LIPA: variants seen among roughly 807,000 people sequenced by gnomAD.
The protein encoded by LIPA is lipase A, lysosomal acid type, also known as lysosomal acid lipase/cholesteryl ester hydrolase.
Under a neutral mutation model 40.6 loss-of-function variants are expected in LIPA, and 26 were observed. The observed-to-expected ratio is 0.64, with a 90% CI of 0.47 to 0.89. LIPA has a LOEUF of 0.89. LIPA is among the 40% of genes least tolerant of loss of function. The pLI, the probability that LIPA is intolerant of heterozygous loss-of-function variation, is 0.00. For synonymous variants in LIPA, 188 were observed against 168.4 expected (o/e 1.12, Z -0.90); for missense variants, 455 against 479.6 (o/e 0.95, Z 0.48).
chr10:89,410,521 C>T (rs1207707725), intron 2 of LIPA, among the ~76,000 whole-genome samples: 3 of 152,242 alleles, frequency 2.0e-5, no homozygotes, highest in Non-Finnish European at 2.9e-5. Context: ...ACAGATTATG[C>T]CATATTTAGC....
At chr10:89,216,449 G>GAT (rs1441100216) in intron 8 of LIPA, among the ~76,000 whole-genome samples, 1 of 148,278 alleles carries the variant, frequency 6.7e-6, no homozygotes, top group East Asian at 2.0e-4. Context: ...GAGAGAGATG[G>GAT]ATATATATAG....
At chr10:89,335,475 C>A (rs1462598331) in intron 1 of LIPA, 2 of 150,180 alleles carry the variant, frequency 1.3e-5, no homozygotes, top group Non-Finnish European at 2.9e-5. Flanking sequence ...GAATCTTGAG[C>A]TATAAGTGCT....
At chr10:89,244,318 G>C (rs1842997950) in intron 3 of LIPA, among the ~76,000 whole-genome samples, 1 of 152,044 alleles carries the variant, frequency 6.6e-6, no homozygotes, top group Non-Finnish European at 1.5e-5. Context: ...TAACACAAAG[G>C]GTGTTTAAGT....
intron 8 of LIPA, 41 bp downstream of exon 8, chr10:89,222,470 T>G (rs1343966297): frequency 1.6e-6 from 2 of 1,267,612 alleles, no homozygotes; most frequent in African/African-American, 2.9e-5. Flanking sequence ...TTTCTGATGT[T>G]GATTTTACAT....
chr10:89,250,254 CA>C (rs1843100255), intron 1 of LIPA, among the ~76,000 whole-genome samples: 1 of 151,914 alleles, frequency 6.6e-6, no homozygotes, highest in South Asian at 2.1e-4. Flanking sequence ...CGCCCACCAC[CA>C]CGCCTGGCTA....
intron 2 of LIPA, among the ~76,000 whole-genome samples, chr10:89,367,870 C>G (rs1437493460): frequency 6.6e-6 from 1 of 152,170 alleles, no homozygotes; most frequent in Non-Finnish European, 1.5e-5. Flanking sequence ...CAAAGCTGGA[C>G]TGCAGTAGCA....
At chr10:89,221,603 T>C (rs926974881) in intron 8 of LIPA, among the ~76,000 whole-genome samples, 2 of 152,188 alleles carry the variant, frequency 1.3e-5, no homozygotes, top group Non-Finnish European at 2.9e-5. Context: ...CTACAGTGTC[T>C]TGGTTTAGGG....
chr10:89,261,756 A>C (rs1262125255), intron 1 of LIPA, among the ~76,000 whole-genome samples: 1 of 152,170 alleles, frequency 6.6e-6, no homozygotes, highest in Non-Finnish European at 1.5e-5. Context: ...TTCCTTGTTC[A>C]GACCTGTGCA....
At chr10:89,267,435 C>G (rs1320589495) in intron 1 of LIPA, among the ~76,000 whole-genome samples, 1 of 151,886 alleles carries the variant, frequency 6.6e-6, no homozygotes, top group East Asian at 1.9e-4. Context: ...AGGGAGAGAA[C>G]CAAAGAAATT....
chr10:89,237,371 C>G (rs1019964803), intron 3 of LIPA, among the ~76,000 whole-genome samples: 1 of 151,944 alleles, frequency 6.6e-6, no homozygotes, highest in Non-Finnish European at 1.5e-5. Flanking sequence ...TCCTGCCAAC[C>G]AAGAGGCTGC....
chr10:89,382,666 C>T (rs759612247), intron 2 of LIPA, among the ~76,000 whole-genome samples: 1 of 152,240 alleles, frequency 6.6e-6, no homozygotes, highest in Non-Finnish European at 1.5e-5. Flanking sequence ...CATGCCTCTT[C>T]TTCTGTCCCC....
intron 1 of LIPA, among the ~76,000 whole-genome samples, chr10:89,304,999 A>C (rs1168197453): frequency 2.5e-4 from 38 of 152,134 alleles, no homozygotes. Context: ...AATTTCAAAA[A>C]AAAAATTAAA....
intron 1 of LIPA, among the ~76,000 whole-genome samples, chr10:89,329,655 G>A (rs1330548994): frequency 6.6e-6 from 1 of 152,146 alleles, no homozygotes; most frequent in Admixed American, 6.5e-5. Flanking sequence ...CATCCACTGA[G>A]GAACTCTGTT....
chr10:89,313,691 A>T (rs1489283786), intron 1 of LIPA, among the ~76,000 whole-genome samples: 1 of 152,278 alleles, frequency 6.6e-6, no homozygotes, highest in East Asian at 1.9e-4. Flanking sequence ...ATAATGGAAT[A>T]TTATTTGGAA....
At chr10:89,346,289 T>G (rs964821539), upstream of LIPA, among the ~76,000 whole-genome samples, 1 of 152,206 alleles carries the variant, frequency 6.6e-6, no homozygotes, top group Non-Finnish European at 1.5e-5. Flanking sequence ...CATAGAATAA[T>G]CTTTAAGACA....
At chr10:89,306,772 G>A in intron 1 of LIPA, 1 of 1,614,102 alleles carries the variant, frequency 6.2e-7, no homozygotes, top group Non-Finnish European at 8.5e-7. Context: ...TGCTTAAAAA[G>A]GCTTTAGAAT....
chr10:89,370,986 C>G (rs1844088454), intron 2 of LIPA, among the ~76,000 whole-genome samples: 1 of 152,204 alleles, frequency 6.6e-6, no homozygotes. Context: ...CCACTGCACT[C>G]CAGCCTGGGT....
intron 2 of LIPA, among the ~76,000 whole-genome samples, chr10:89,367,226 T>C (rs547290351): frequency 2.6e-5 from 4 of 152,120 alleles, no homozygotes; most frequent in African/African-American, 9.6e-5. Flanking sequence ...CTAATGTAAA[T>C]GACAAGTTAA....
At chr10:89,409,569 G>C (rs1040772466) in intron 2 of LIPA, among the ~76,000 whole-genome samples, 2 of 152,294 alleles carry the variant, frequency 1.3e-5, no homozygotes, top group Non-Finnish European at 1.5e-5. Context: ...GGGTGCCTGG[G>C]GCAAGCACCA....
Sources: allele counts gnomAD v4.1 joint callset (sites outside exome capture counted in the v4.1 genomes callset), GRCh38; gene constraint gnomAD v4.1.1; transcripts MANE v1.5; gene names NCBI Gene and HGNC (gene_info 2026-07-23, HGNC 2026-07-21).